RAPGEF6: variants seen among roughly 807,000 people sequenced by gnomAD.
RAPGEF6 encodes the protein Rap guanine nucleotide exchange factor 6.
RAPGEF6 carries 56 observed loss-of-function variants against 171.4 expected under a neutral mutation model. The ratio of observed to expected loss-of-function variants is 0.33; its 90% confidence interval spans 0.26 to 0.41. The LOEUF (loss-of-function observed/expected upper bound fraction) is 0.41. Ranked by LOEUF, RAPGEF6 falls within the 10% of genes least tolerant of loss-of-function variation. RAPGEF6 has a pLI of 1.00. For synonymous variants in RAPGEF6, 692 were observed against 650.1 expected (o/e 1.06, Z -0.98); for missense variants, 1,674 against 1,921.4 (o/e 0.87, Z 2.41).
At chr5:131,512,507 CA>C (rs1177518553) in intron 7 of RAPGEF6, among the ~76,000 whole-genome samples, 2 of 151,906 alleles carry the variant, frequency 1.3e-5, no homozygotes, top group African/African-American at 4.8e-5. Context: ...TTTGTTAATT[CA>C]AGTTAAGGCT....
chr5:131,606,136 G>A (rs1460482720), intron 1 of RAPGEF6, among the ~76,000 whole-genome samples: 1 of 151,876 alleles, frequency 6.6e-6, no homozygotes, highest in Non-Finnish European at 1.5e-5. Flanking sequence ...GCCAAGGTGG[G>A]TGGATCACTT....
At chr5:131,510,617 CA>C (rs1757657299) in intron 7 of RAPGEF6, 126 bp from the exon 8 acceptor site, 1 of 772,694 alleles carries the variant, frequency 1.3e-6, no homozygotes, top group African/African-American at 1.8e-5. Context: ...GATGCTGCAT[CA>C]AGAATACAAT....
At chr5:131,516,955 A>G (rs1311072468) in intron 7 of RAPGEF6, among the ~76,000 whole-genome samples, 2 of 152,220 alleles carry the variant, frequency 1.3e-5, no homozygotes, top group Non-Finnish European at 2.9e-5. Context: ...AATGCATAGA[A>G]GTGTAGCCAC....
At chr5:131,608,545 T>C (rs1764743360) in intron 1 of RAPGEF6, among the ~76,000 whole-genome samples, 1 of 152,206 alleles carries the variant, frequency 6.6e-6, no homozygotes, top group South Asian at 2.1e-4. Flanking sequence ...TGCCAAAGGA[T>C]AGCAGCTGCT....
At chr5:131,602,402 G>A (rs1170376527) in intron 3 of RAPGEF6, among the ~76,000 whole-genome samples, 2 of 152,106 alleles carry the variant, frequency 1.3e-5, no homozygotes, top group East Asian at 3.8e-4. Context: ...TCCTCAACAG[G>A]AGTAAGCAAT....
intron 6 of RAPGEF6, among the ~76,000 whole-genome samples, chr5:131,542,457 A>G (rs189411283): frequency 2.8e-4 from 42 of 152,332 alleles, no homozygotes; most frequent in Middle Eastern, 3.4e-3. Context: ...TACACAGGAC[A>G]CTAAGCAAGC....
At chr5:131,452,230 A>AAG (rs1753144834) in intron 21 of RAPGEF6, among the ~76,000 whole-genome samples, 1 of 151,860 alleles carries the variant, frequency 6.6e-6, no homozygotes, top group East Asian at 1.9e-4. Context: ...AAAAAAAAAA[A>AAG]AAAATTACTA....
chr5:131,572,157 C>A (rs558646970), intron 4 of RAPGEF6, among the ~76,000 whole-genome samples: 3 of 152,056 alleles, frequency 2.0e-5, no homozygotes, highest in Admixed American at 6.6e-5. Flanking sequence ...TATGGACGTG[C>A]GTAACATTTG....
intron 11 of RAPGEF6, among the ~76,000 whole-genome samples, chr5:131,499,974 C>G (rs1756910700): frequency 6.6e-6 from 1 of 152,212 alleles, no homozygotes; most frequent in African/African-American, 2.4e-5. Flanking sequence ...TCTCAGCTCA[C>G]TGCAACTTCC....
intron 1 of RAPGEF6, among the ~76,000 whole-genome samples, chr5:131,628,756 T>C (rs572106890): frequency 9.5e-4 from 145 of 152,302 alleles, no homozygotes; most frequent in African/African-American, 3.3e-3. Flanking sequence ...TTTACCATTC[T>C]GAAAACCCTA....
chr5:131,599,758 C>T (rs1382654394), intron 3 of RAPGEF6, among the ~76,000 whole-genome samples: 1 of 152,166 alleles, frequency 6.6e-6, no homozygotes, highest in Non-Finnish European at 1.5e-5. Context: ...GTGATATTAG[C>T]AATGCCATTT....
At chr5:131,513,213 A>C (rs1327083831) in intron 7 of RAPGEF6, among the ~76,000 whole-genome samples, 1 of 152,232 alleles carries the variant, frequency 6.6e-6, no homozygotes, top group Non-Finnish European at 1.5e-5. Context: ...TGCTAAAAAG[A>C]CTTTCCAAAA....
At chr5:131,430,749 T>C in intron 26 of RAPGEF6, 110 bp downstream of exon 26, 1 of 1,390,562 alleles carries the variant, frequency 7.2e-7, no homozygotes, top group Non-Finnish European at 1.0e-6. Context: ...GAAAGAAAGG[T>C]TGTTAGAGAA....
chr5:131,469,817 T>G, intron 17 of RAPGEF6: 2 of 1,522,124 alleles, frequency 1.3e-6, no homozygotes, highest in Non-Finnish European at 1.8e-6. Flanking sequence ...AACCAACAGC[T>G]GTATGCAGCA....
chr5:131,505,402 T>A lies in RAPGEF6; in HGVS notation c.1063A>T (p.Met355Leu), dbSNP rs557928031. 1 of 1,613,692 alleles carries A rather than the reference T, an allele frequency of 6.2e-7. No homozygotes were observed. Among genetic ancestry groups the A allele is most frequent in the Non-Finnish European group, 8.5e-7 (1 of 1,179,752 alleles). The change falls in exon 10 of 28, where the codon ATG (methionine) becomes TTG (leucine). Residue 355 changes from methionine (M) to leucine (L), a missense_variant. This residue lies in a region of RAPGEF6 where 1,116 missense variants were observed against 1,321.5 expected (regional missense o/e 0.84). Coordinates refer to ENST00000509018, the MANE Select transcript of RAPGEF6 (RefSeq NM_016340.6). Reference protein sequence around the residue: ...GITPTLDKQYMHGIVRTKVDD... With the variant: ...GITPTLDKQYLHGIVRTKVDD... Reference sequence around the variant, plus strand: ...ACTTTAGTCCTGACAATTCCATGCATGTACTGCTTATCCAGAGTGGGAGTA... The same window carrying A: ...ACTTTAGTCCTGACAATTCCATGCAAGTACTGCTTATCCAGAGTGGGAGTA...
At chr5:131,460,699 T>C (rs1204389822) in intron 19 of RAPGEF6, among the ~76,000 whole-genome samples, 1 of 152,180 alleles carries the variant, frequency 6.6e-6, no homozygotes, top group Non-Finnish European at 1.5e-5. Flanking sequence ...GTGCAGCTGA[T>C]TCTAAAGACC....
At chr5:131,535,549 T>C (rs1759707970) in intron 6 of RAPGEF6, among the ~76,000 whole-genome samples, 2 of 152,136 alleles carry the variant, frequency 1.3e-5, no homozygotes, top group African/African-American at 4.8e-5. Context: ...TATGAACACG[T>C]TTCCCCTGCA....
chr5:131,538,458 C>G (rs1322864816), intron 6 of RAPGEF6, among the ~76,000 whole-genome samples: 1 of 152,122 alleles, frequency 6.6e-6, no homozygotes, highest in Non-Finnish European at 1.5e-5. Context: ...TGTATCTAAA[C>G]ACAGAAAACG....
Position 131,429,052 on chromosome 5 carries a change from T to A in RAPGEF6, c.4630A>T (p.Asn1544Tyr). The A allele has an allele frequency of 2.5e-6, 4 of 1,614,192 alleles. No homozygotes were observed. Among genetic ancestry groups the A allele is most frequent in the Non-Finnish European group, 3.4e-6 (4 of 1,180,022 alleles). The change falls in exon 27 of 28, where the codon AAC becomes TAC. Residue 1544 changes from asparagine (N) to tyrosine (Y), a missense_variant. Asn to Tyr is a moderately radical substitution (Grantham distance 143, BLOSUM62 -2). This residue lies in a region of RAPGEF6 where 552 missense variants were observed against 574.2 expected (regional missense o/e 0.96). Transcript: ENST00000509018. ...VAVQRSKMMH[N>Y]SLSRLPPASL... ...GCTGGTGGCAGTCTAGAGAGGCTGT[T>A]ATGCATCATCTTTGACCTCTGCACT...
Sources: gnomAD v4.1 joint callset for allele counts (sites outside exome capture counted in the v4.1 genomes callset) on GRCh38, gnomAD v4.1.1 for gene constraint, gnomAD v4.1.1 regional missense constraint, MANE v1.5 for transcripts, NCBI Gene and HGNC (gene_info 2026-07-23, HGNC 2026-07-21) for gene names.